Variants in SYN3 observed in about 807,000 individuals in gnomAD.
The protein encoded by SYN3 is synapsin-3.
In SYN3, 35 loss-of-function variants were observed where a neutral mutation model predicts 65.8. That is an observed-to-expected ratio of 0.53 (90% CI 0.41 to 0.70). The LOEUF (loss-of-function observed/expected upper bound fraction) is 0.70. SYN3 is among the 30% of genes least tolerant of loss of function. The pLI is 0.00. For missense variants in SYN3, 680 were observed against 749.0 expected, an observed-to-expected ratio of 0.91 and a Z score of 1.08; for synonymous variants, 270 against 292.9, an observed-to-expected ratio of 0.92 and a Z score of 0.80.
intron 4 of SYN3, among the ~76,000 whole-genome samples, chr22:32,913,595 A>G (rs1305516895): frequency 6.6e-6 from 1 of 152,068 alleles, no homozygotes; most frequent in African/African-American, 2.4e-5. Flanking sequence ...TCTTAGGGGC[A>G]AGTTATAGAA....
At chr22:32,675,097 G>A (rs130743) in intron 6 of SYN3, among the ~76,000 whole-genome samples, 43,977 of 152,048 alleles carry the variant, frequency 0.29, 7,378 homozygotes, top group Middle Eastern at 0.4. Flanking sequence ...AGAAACAAAT[G>A]TGGTTGAAAC....
chr22:32,611,418 C>T (rs113289569), intron 6 of SYN3, among the ~76,000 whole-genome samples: 2,413 of 151,682 alleles, frequency 0.016, 20 homozygotes, highest in Non-Finnish European at 0.026. Context: ...CTCAGTCCCC[C>T]GAGTAGCTGG....
intron 7 of SYN3, among the ~76,000 whole-genome samples, chr22:32,557,747 C>T (rs2146334915): frequency 6.6e-6 from 1 of 152,342 alleles, no homozygotes; most frequent in East Asian, 1.9e-4. Flanking sequence ...CGTCACATGC[C>T]ACTCTGCCCT....
intron 6 of SYN3, chr22:32,858,241 G>A (rs1432157617): frequency 3.3e-6 from 5 of 1,530,156 alleles, no homozygotes; most frequent in Middle Eastern, 1.8e-4. Context: ...GCTGGGAAGG[G>A]TATGCATGTG....
At chr22:32,633,427 C>T (rs898253553) in intron 6 of SYN3, among the ~76,000 whole-genome samples, 1 of 151,952 alleles carries the variant, frequency 6.6e-6, no homozygotes, top group Non-Finnish European at 1.5e-5. Flanking sequence ...CTGCCCTTCC[C>T]CCAGGACCAA....
intron 12 of SYN3, 108 bp from the exon 13 acceptor site, chr22:32,518,442 A>G: frequency 7.4e-7 from 1 of 1,358,672 alleles, no homozygotes; most frequent in Non-Finnish European, 1.0e-6. Flanking sequence ...TGTTTCTTAT[A>G]ATGGTGAAAA....
rs2049055177 is a variant in SYN3, at chr22:32,879,036, AAAAAT to A, written c.462-9916_462-9912del. On this transcript the variant is annotated intron_variant, in intron 4 of 13. Transcript: ENST00000358763. ...AAAATCACTATACTGACTGGTTAAA[AAAAAT>A]AAAGGTAACCAACACACACACAGAC... Among the ~76,000 whole-genome samples the A allele has an allele frequency of 2.6e-5, 4 of 152,304 alleles. 1 individual carries two copies. The South Asian group carries it at 8.3e-4, about 32-fold the overall frequency.
chr22:32,604,709 G>A (rs2059342798), intron 6 of SYN3, among the ~76,000 whole-genome samples: 2 of 152,092 alleles, frequency 1.3e-5, no homozygotes, highest in Admixed American at 1.3e-4. Flanking sequence ...ACACCATTTA[G>A]AATTATACAT....
intron 1 of SYN3, among the ~76,000 whole-genome samples, chr22:33,043,493 A>G (rs1253272208): frequency 6.6e-6 from 1 of 152,154 alleles, no homozygotes; most frequent in Admixed American, 6.5e-5. Flanking sequence ...GGTTGGAGTG[A>G]GCTGAGATCA....
intron 7 of SYN3, among the ~76,000 whole-genome samples, chr22:32,565,081 T>C (rs1248945000): frequency 2.8e-4 from 25 of 89,360 alleles, no homozygotes; most frequent in Admixed American, 5.9e-4. Flanking sequence ...TCCCTGACTG[T>C]ACACAAACAG....
chr22:32,857,927 G>A (rs2146288896), intron 6 of SYN3: 1 of 1,601,380 alleles, frequency 6.2e-7, no homozygotes, highest in South Asian at 1.1e-5. Flanking sequence ...ACAGTGCCTG[G>A]GCTAAGTGGG....
intron 3 of SYN3, among the ~76,000 whole-genome samples, chr22:32,970,315 G>A (rs1475459361): frequency 6.6e-6 from 1 of 152,020 alleles, no homozygotes; most frequent in Non-Finnish European, 1.5e-5. Flanking sequence ...TGGCTTGAGA[G>A]TCCAAGCTAT....
chr22:32,537,436 G>T (rs1216514292), intron 9 of SYN3, among the ~76,000 whole-genome samples: 4 of 152,170 alleles, frequency 2.6e-5, no homozygotes, highest in Non-Finnish European at 4.4e-5. Context: ...TGGGATTACA[G>T]GTGTGAGCCA....
At chr22:32,807,591 T>C (rs1160900594) in intron 6 of SYN3, among the ~76,000 whole-genome samples, 1 of 149,976 alleles carries the variant, frequency 6.7e-6, no homozygotes, top group Non-Finnish European at 1.5e-5. Context: ...TATTGTCATC[T>C]CCATTTTACA....
intron 6 of SYN3, among the ~76,000 whole-genome samples, chr22:32,711,738 T>C (rs1435309675): frequency 1.3e-5 from 2 of 152,230 alleles, no homozygotes; most frequent in African/African-American, 2.4e-5. Context: ...ACTTTCACCC[T>C]TGCCAACCAA....
intron 5 of SYN3, among the ~76,000 whole-genome samples, chr22:32,868,232 G>C (rs1601585060): frequency 6.6e-6 from 1 of 151,772 alleles, no homozygotes; most frequent in Non-Finnish European, 1.5e-5. Context: ...GCATCTTTAT[G>C]ACTAATATTA....
chr22:32,666,895 C>T (rs1407471964), intron 6 of SYN3, among the ~76,000 whole-genome samples: 11 of 152,186 alleles, frequency 7.2e-5, no homozygotes, highest in African/African-American at 2.7e-4. Context: ...ACCTCCCCAC[C>T]TCGACCAAGC....
At chr22:32,815,910 C>G (rs1429899770) in intron 6 of SYN3, among the ~76,000 whole-genome samples, 1 of 152,194 alleles carries the variant, frequency 6.6e-6, no homozygotes, top group African/African-American at 2.4e-5. Context: ...GGTCTGTGGT[C>G]TTCACCGCCC....
intron 6 of SYN3, among the ~76,000 whole-genome samples, chr22:32,684,529 CA>C (rs1237111099): frequency 2.6e-5 from 4 of 152,208 alleles, no homozygotes; most frequent in African/African-American, 9.6e-5. Context: ...TTTTCTAAAA[CA>C]GCAACCACAT....
Sources: gnomAD v4.1 joint callset for allele counts (sites outside exome capture counted in the v4.1 genomes callset) on GRCh38, gnomAD v4.1.1 for gene constraint, MANE v1.5 for transcripts, NCBI Gene and HGNC (gene_info 2026-07-23, HGNC 2026-07-21) for gene names.